Variants in LAMA1 observed in about 807,000 individuals in gnomAD.
LAMA1 encodes the protein laminin subunit alpha 1, also known as laminin subunit alpha-1.
LAMA1 carries 219 observed loss-of-function variants against 348.7 expected under a neutral mutation model. The observed-to-expected ratio is 0.63, with a 90% confidence interval of 0.56 to 0.70. LAMA1 has a LOEUF of 0.70. Among genes scored for constraint, LAMA1 ranks in the 30% least tolerant of loss-of-function variants. The pLI is 0.00. For synonymous variants in LAMA1, 1,487 were observed against 1,491.0 expected (o/e 1.00, Z 0.06); for missense variants, 3,744 against 3,888.0 (o/e 0.96, Z 0.99).
rs2057827748 is a variant in LAMA1, at chr18:7,005,430, A to T, written c.4260+1709T>A. On this transcript the variant is annotated intron_variant, in intron 29 of 62. Transcript: ENST00000389658. ...AATGTACACTAAATTACTGCCTGGC[A>T]TGGCTGCTATAGTTCAGACTTAATA... is the stretch of plus-strand genomic sequence containing the variant. 2.6e-5 allele frequency among the ~76,000 whole-genome samples: 4 copies of T among 152,318 alleles called. No individual in the cohort carries two copies. In the South Asian group the frequency reaches 8.3e-4, roughly 32 times the overall value.
intron 56 of LAMA1, chr18:6,956,310 G>T: frequency 4.6e-6 from 2 of 431,804 alleles, no homozygotes; most frequent in Non-Finnish European, 8.7e-6. Flanking sequence ...GGCTTTACAT[G>T]AAGTACTTAT....
Position 7,016,481 on chromosome 18 carries a change from C to A in LAMA1, c.2989+10G>T. On this transcript the variant is annotated intron_variant, in intron 21 of 62. Coordinates refer to ENST00000389658, the MANE Select transcript of LAMA1 (RefSeq NM_005559.4). ...ACTACAAAGTCTCAAACAAGGAAAT[C>A]AAGGCTTACGTGTACAGCTACCATC... is the stretch of plus-strand genomic sequence containing the variant. 6.2e-7 allele frequency: 1 copy of A among 1,614,102 alleles called. No individual in the cohort carries two copies. Among genetic ancestry groups the A allele is most frequent in the South Asian group, 1.1e-5 (1 of 91,060 alleles).
At chr18:6,975,850 T>A in intron 45 of LAMA1, 87 bp downstream of exon 45, 1 of 1,535,114 alleles carries the variant, frequency 6.5e-7, no homozygotes, top group South Asian at 1.1e-5. Flanking sequence ...TAAGGCCTAT[T>A]TTTTTTTCGT....
rs750166147 is a variant in LAMA1 at position 6,997,876 on chromosome 18, C to T, written c.4672G>A (p.Asp1558Asn). The T allele has an allele frequency of 2.7e-5, 44 of 1,614,016 alleles. 1 individual carries two copies. In the South Asian group the frequency reaches 4.7e-4, roughly 17 times the overall value. Residue 1558 changes from aspartate (D) to asparagine (N), a missense_variant, in exon 33 of 63, where the codon GAT (aspartate) becomes AAT (asparagine). This residue lies in a region of LAMA1 where 1,983 missense variants were observed against 1,934.3 expected (regional missense o/e 1.03). Transcript: ENST00000389658. ...LMETDCVSCDDECVGVLLNDL... is the reference protein window; with the variant it reads ...LMETDCVSCDNECVGVLLNDL... ...TTCAGCAGCACACCTACACACTCAT[C>T]ATCACAGGCTACAAGACAAATTTTT... is the stretch of plus-strand genomic sequence containing the variant.
intron 12 of LAMA1, 33 bp from the exon 13 acceptor site, chr18:7,036,121 G>C (rs1236483247): frequency 4.1e-6 from 6 of 1,465,064 alleles, no homozygotes; most frequent in Non-Finnish European, 4.8e-6. Context: ...AACACGAAAG[G>C]GGAAGACAAT....
chr18:6,980,198 A>G (rs1348827269), intron 42 of LAMA1, among the ~76,000 whole-genome samples: 2 of 152,178 alleles, frequency 1.3e-5, no homozygotes, highest in Non-Finnish European at 2.9e-5. Flanking sequence ...CAGCTTCTTT[A>G]CTTGCTGACT....
chr18:6,987,823 G>A (rs188350916), intron 36 of LAMA1, among the ~76,000 whole-genome samples: 1 of 152,214 alleles, frequency 6.6e-6, no homozygotes, highest in East Asian at 1.9e-4. Context: ...TAATAAAGAC[G>A]TTGCATTATG....
rs1194390422 is a variant in LAMA1 at position 7,016,566 on chromosome 18, C to G, written c.2914G>C (p.Val972Leu). 6.2e-7 allele frequency: 1 copy of G among 1,614,156 alleles called. No homozygotes were observed. The highest frequency in any genetic ancestry group is 1.1e-5 in the South Asian group (1 of 91,076). The change falls in exon 21 of 63, where the codon GTC (valine) becomes CTC (leucine). Residue 972 changes from valine (V) to leucine (L), a missense_variant. Coordinates refer to ENST00000389658, the MANE Select transcript of LAMA1 (RefSeq NM_005559.4). ...CACCTTTTCCCTGCCACACCTGGGA[C>G]ACAGTGACACTGGCCTTCATCCGTG... is the stretch of plus-strand genomic sequence containing the variant. Reference protein sequence around the residue: ...GCTDEGQCHCVPGVAGKRCDR... With the variant: ...GCTDEGQCHCLPGVAGKRCDR...
chr18:7,074,565 T>C (rs781768817), intron 3 of LAMA1, among the ~76,000 whole-genome samples: 2 of 152,218 alleles, frequency 1.3e-5, no homozygotes, highest in Non-Finnish European at 2.9e-5. Flanking sequence ...GTAGTATTGA[T>C]ATATGAGATC....
rs115052979 is a variant in LAMA1 at position 7,022,515 on chromosome 18, G to A, written c.2701+649C>T. 3.4e-3 allele frequency among the ~76,000 whole-genome samples: 520 copies of A among 152,298 alleles called. 5 individuals carry two copies. The highest frequency in any genetic ancestry group is 0.012 in the African/African-American group (495 of 41,560). ...TCCCCATGTCGTAGTACCATAGTATGACTGGCGTTTATATGAAATACTCAA... is the reference window on the plus strand; with the variant it reads ...TCCCCATGTCGTAGTACCATAGTATAACTGGCGTTTATATGAAATACTCAA... On this transcript the variant is annotated intron_variant, in intron 19 of 62. Coordinates refer to ENST00000389658, the MANE Select transcript of LAMA1 (RefSeq NM_005559.4).
At chr18:7,022,094 T>C (rs953295667) in intron 19 of LAMA1, among the ~76,000 whole-genome samples, 2 of 151,842 alleles carry the variant, frequency 1.3e-5, no homozygotes, top group African/African-American at 4.8e-5. Context: ...TAGTCGAGAC[T>C]CCAACACCTG....
At chr18:7,085,632 A>G (rs377160675) in intron 1 of LAMA1, among the ~76,000 whole-genome samples, 25 of 151,834 alleles carry the variant, frequency 1.6e-4, no homozygotes, top group South Asian at 6.2e-4. Context: ...GTTAGCCAGG[A>G]TGGTCTCGAT....
chr18:6,972,338 A>G (rs1347859054), intron 47 of LAMA1: 1 of 329,256 alleles, frequency 3.0e-6, no homozygotes, highest in Non-Finnish European at 5.8e-6. Context: ...ACCAGATCCA[A>G]AAAACACAAT....
intron 3 of LAMA1, among the ~76,000 whole-genome samples, chr18:7,055,330 G>A (rs2058077270): frequency 2.0e-5 from 3 of 151,672 alleles, no homozygotes; most frequent in Non-Finnish European, 2.9e-5. Flanking sequence ...GCACATGCCT[G>A]TAATCCCAGC....
chr18:7,098,290 G>C (rs1464087966), intron 1 of LAMA1, among the ~76,000 whole-genome samples: 1 of 152,084 alleles, frequency 6.6e-6, no homozygotes. Context: ...GAAGTGAGGA[G>C]TGTCTCTGCC....
intron 1 of LAMA1, among the ~76,000 whole-genome samples, chr18:7,098,292 G>A (rs1245977220): frequency 2.6e-5 from 4 of 151,502 alleles, no homozygotes; most frequent in African/African-American, 7.3e-5. Flanking sequence ...AGTGAGGAGT[G>A]TCTCTGCCTG....
intron 1 of LAMA1, among the ~76,000 whole-genome samples, chr18:7,116,904 C>T (rs1188711168): frequency 6.6e-6 from 1 of 152,178 alleles, no homozygotes; most frequent in Non-Finnish European, 1.5e-5. Flanking sequence ...TTTCTCTTCT[C>T]AATCCTTGCA....
rs201100047 is a variant in LAMA1, at chr18:7,036,865, C to CAAAA, written c.1737+712_1737+713insTTTT. ...GCCATTACTTTAAAACAAAACAAAA[C>CAAAA]CAAAAACCCGGGAAGGTAAGCAGGG... On this transcript the variant is annotated intron_variant, in intron 12 of 62. Coordinates refer to ENST00000389658, the MANE Select transcript of LAMA1 (RefSeq NM_005559.4). 4.2e-3 allele frequency among the ~76,000 whole-genome samples: 640 copies of CAAAA among 151,970 alleles called. 8 individuals are homozygous for CAAAA. Among genetic ancestry groups the CAAAA allele is most frequent in the Middle Eastern group, 0.017 (5 of 294 alleles).
chr18:7,002,203 A>C (rs1344460073), intron 30 of LAMA1, 61 bp downstream of exon 30: 1 of 1,597,434 alleles, frequency 6.3e-7, no homozygotes. Flanking sequence ...CTTGAAAATG[A>C]GGCTGAACTG....
Sources: allele counts gnomAD v4.1 joint callset (sites outside exome capture counted in the v4.1 genomes callset), GRCh38; gene constraint gnomAD v4.1.1; regional missense constraint gnomAD v4.1.1; transcripts MANE v1.5; gene names NCBI Gene and HGNC (gene_info 2026-07-23, HGNC 2026-07-21).